Variants in CHRM3 observed in about 807,000 individuals in gnomAD.
CHRM3 encodes cholinergic receptor muscarinic 3, also known as muscarinic acetylcholine receptor M3.
Under a neutral mutation model 41.8 loss-of-function variants are expected in CHRM3, and 11 were observed. That is an observed-to-expected ratio of 0.26 (90% confidence interval 0.17 to 0.44). The LOEUF (loss-of-function observed/expected upper bound fraction) is 0.44, where lower values mean the gene tolerates loss of function less well. Ranked by LOEUF, CHRM3 falls within the 20% of genes least tolerant of loss-of-function variation. CHRM3 has a pLI of 1.00. For missense variants in CHRM3, 571 were observed against 745.4 expected (o/e 0.77, Z 2.72); for synonymous variants, 297 against 301.4 (o/e 0.99, Z 0.15).
intron 3 of CHRM3, among the ~76,000 whole-genome samples, chr1:239,585,535 G>A (rs1663317722): frequency 6.6e-6 from 1 of 152,114 alleles, no homozygotes; most frequent in African/African-American, 2.4e-5. Flanking sequence ...GTCATAAAGG[G>A]CAACCGTCAG....
At chr1:239,796,226 TG>T (rs1351730819) in intron 5 of CHRM3, among the ~76,000 whole-genome samples, 2 of 152,138 alleles carry the variant, frequency 1.3e-5, no homozygotes, top group African/African-American at 4.8e-5. Flanking sequence ...CCTTCTGTCA[TG>T]GTACTCCCGT....
chr1:239,543,171 GA>G (rs1328651004), intron 2 of CHRM3, among the ~76,000 whole-genome samples: 1 of 152,302 alleles, frequency 6.6e-6, no homozygotes, highest in Non-Finnish European at 1.5e-5. Context: ...CCCTTGAAGA[GA>G]ATGCCATCCT....
chr1:239,565,969 C>T (rs1344733967), intron 3 of CHRM3, among the ~76,000 whole-genome samples: 1 of 139,172 alleles, frequency 7.2e-6, no homozygotes, highest in Non-Finnish European at 1.5e-5. Context: ...ATCTGGAGTG[C>T]AGTCGTGTGA....
chr1:239,414,732 T>A (rs1233411464), intron 1 of CHRM3, among the ~76,000 whole-genome samples: 1 of 152,222 alleles, frequency 6.6e-6, no homozygotes, highest in East Asian at 1.9e-4. Context: ...TGCTGGTCAG[T>A]TTCTTAGGAG....
At chr1:239,604,161 T>C (rs1189378917) in intron 3 of CHRM3, among the ~76,000 whole-genome samples, 1 of 152,202 alleles carries the variant, frequency 6.6e-6, no homozygotes, top group African/African-American at 2.4e-5. Context: ...AACATACTCA[T>C]GTCTGTGTTT....
intron 5 of CHRM3, among the ~76,000 whole-genome samples, chr1:239,692,357 A>G (rs1044625709): frequency 1.3e-5 from 2 of 152,198 alleles, no homozygotes; most frequent in African/African-American, 4.8e-5. Flanking sequence ...TGTATCAACA[A>G]TAATTAAAAA....
chr1:239,454,870 A>T (rs1664805821), intron 1 of CHRM3, among the ~76,000 whole-genome samples: 1 of 152,180 alleles, frequency 6.6e-6, no homozygotes, highest in Admixed American at 6.5e-5. Context: ...ATGTGGTAGC[A>T]GCAGCTCACT....
intron 3 of CHRM3, among the ~76,000 whole-genome samples, chr1:239,602,110 G>GTGTGTGTGTGTGTA (rs1307023039): frequency 8.9e-6 from 1 of 112,860 alleles, no homozygotes. Flanking sequence ...GTGTGTGTGT[G>GTGTGTGTGTGTGTA]TATATATATA....
At chr1:239,650,091 G>A (rs1672102026) in intron 4 of CHRM3, among the ~76,000 whole-genome samples, 1 of 152,152 alleles carries the variant, frequency 6.6e-6, no homozygotes, top group African/African-American at 2.4e-5. Context: ...CAGGTGAACT[G>A]GGAGGTGTCC....
At chr1:239,877,681 G>A (rs1677220286) in intron 6 of CHRM3, among the ~76,000 whole-genome samples, 1 of 152,076 alleles carries the variant, frequency 6.6e-6, no homozygotes, top group South Asian at 2.1e-4. Context: ...TCAAACCCAG[G>A]TGTCAATGGG....
intron 5 of CHRM3, among the ~76,000 whole-genome samples, chr1:239,765,772 G>A (rs1343398002): frequency 1.3e-5 from 2 of 151,488 alleles, no homozygotes; most frequent in African/African-American, 2.4e-5. Context: ...AATCAAATTG[G>A]CAATGAACTA....
chr1:239,741,201 A>C (rs1161979835), intron 5 of CHRM3, among the ~76,000 whole-genome samples: 1 of 152,188 alleles, frequency 6.6e-6, no homozygotes, highest in East Asian at 1.9e-4. Context: ...AGGTAAACTT[A>C]GATATTTTTA....
At chr1:239,741,913 A>T (rs1316066123) in intron 5 of CHRM3, among the ~76,000 whole-genome samples, 1 of 152,152 alleles carries the variant, frequency 6.6e-6, no homozygotes, top group Non-Finnish European at 1.5e-5. Context: ...TATCCATCAA[A>T]CATTGTCTGC....
rs2103065146 is a variant in CHRM3 at position 239,911,369 on chromosome 1, G to A, written c.*2145G>A. The A allele has an allele frequency of 6.0e-6, 1 of 166,972 alleles. No individual in the cohort carries two copies. The highest frequency in any genetic ancestry group is 2.4e-5 in the African/African-American group (1 of 41,492). The allele number at this position is 166,972 out of a possible 1,614,324, so 10.3% of individuals were successfully genotyped here. ...ATATGTACACAGCAAACTACAGAAT[G>A]TCATATTATCCACCTGTGAAACATC... On this transcript the variant is annotated 3_prime_UTR_variant, in exon 7 of 7. Transcript: ENST00000676153.
chr1:239,620,198 T>TA (rs1266403359), intron 3 of CHRM3, among the ~76,000 whole-genome samples: 2 of 152,194 alleles, frequency 1.3e-5, no homozygotes, highest in African/African-American at 4.8e-5. Flanking sequence ...TAGTAGTTTT[T>TA]ACTCAATATG....
intron 3 of CHRM3, among the ~76,000 whole-genome samples, chr1:239,588,538 G>A (rs1159591682): frequency 6.6e-6 from 1 of 152,092 alleles, no homozygotes; most frequent in East Asian, 1.9e-4. Context: ...CAATCATTCA[G>A]TACACAATCA....
At chr1:239,788,530 C>G (rs1037740880) in intron 5 of CHRM3, among the ~76,000 whole-genome samples, 7 of 152,082 alleles carry the variant, frequency 4.6e-5, no homozygotes, top group African/African-American at 7.2e-5. Context: ...CTTTGAGAGG[C>G]TGAGGCAGGT....
At chr1:239,402,272 T>C (rs966863541) in intron 1 of CHRM3, among the ~76,000 whole-genome samples, 37 of 152,328 alleles carry the variant, frequency 2.4e-4, no homozygotes, top group African/African-American at 8.2e-4. Context: ...CTTCTGAATG[T>C]TTGCAAAGAT....
intron 1 of CHRM3, among the ~76,000 whole-genome samples, chr1:239,473,928 G>A (rs1314393185): frequency 6.6e-6 from 1 of 151,910 alleles, no homozygotes; most frequent in Non-Finnish European, 1.5e-5. Context: ...TTACTCTGAG[G>A]AGAGCAACTG....
Sources: allele counts gnomAD v4.1 joint callset (sites outside exome capture counted in the v4.1 genomes callset), GRCh38; gene constraint gnomAD v4.1.1; transcripts MANE v1.5; gene names NCBI Gene and HGNC (gene_info 2026-07-23, HGNC 2026-07-21).